The following PRKN variants were observed in gnomAD, a reference collection of about 807,000 sequenced individuals.
PRKN encodes parkin RBR E3 ubiquitin protein ligase.
In PRKN, 56 loss-of-function variants were observed where a neutral mutation model predicts 59.5. That is an observed-to-expected ratio of 0.94 (90% confidence interval 0.76 to 1.18). The LOEUF is 1.18. PRKN is among the 50% of genes most tolerant of loss of function. The probability of loss-of-function intolerance (pLI) is 0.00; values close to 1 mark genes in which losing one functional copy is unlikely to be tolerated. For synonymous variants in PRKN, 250 were observed against 222.1 expected (o/e 1.13, Z -1.12); for missense variants, 657 against 596.4 (o/e 1.10, Z -1.06).
intron 5 of PRKN, among the ~76,000 whole-genome samples, chr6:162,026,848 G>A (rs1420482619): frequency 6.6e-6 from 1 of 152,148 alleles, no homozygotes; most frequent in African/African-American, 2.4e-5. Context: ...CCAGAGTCAT[G>A]TTGCTTAATA....
At chr6:161,375,082 A>G (rs1160701583) in intron 10 of PRKN, among the ~76,000 whole-genome samples, 3 of 151,788 alleles carry the variant, frequency 2.0e-5, no homozygotes, top group African/African-American at 7.3e-5. Context: ...GAGTGAGCTC[A>G]GGGGACCCGC....
At chr6:161,782,981 T>C (rs1009205513) in intron 7 of PRKN, among the ~76,000 whole-genome samples, 8 of 152,302 alleles carry the variant, frequency 5.3e-5, no homozygotes, top group African/African-American at 1.4e-4. Flanking sequence ...CATTAACTTA[T>C]ATGAGTTTAT....
At chr6:162,134,060 C>G (rs1192915029) in intron 4 of PRKN, among the ~76,000 whole-genome samples, 4 of 152,014 alleles carry the variant, frequency 2.6e-5, no homozygotes, top group African/African-American at 9.7e-5. Context: ...AATGAATTAC[C>G]CAGTATACGT....
At chr6:161,602,374 G>A (rs1782139284) in intron 7 of PRKN, among the ~76,000 whole-genome samples, 1 of 152,136 alleles carries the variant, frequency 6.6e-6, no homozygotes, top group Admixed American at 6.6e-5. Context: ...AACAAAACTG[G>A]GTGCAAGTGA....
intron 7 of PRKN, chr6:161,783,634 T>C (rs1480783833): frequency 2.0e-6 from 1 of 498,842 alleles, no homozygotes; most frequent in East Asian, 5.7e-5. Context: ...CTTGAAAATG[T>C]GTGTTTAGAA....
Position 161,402,103 on chromosome 6 carries a change from T to C in PRKN, c.1084-15226A>G, listed in dbSNP as rs1423520315. 4.6e-5 allele frequency among the ~76,000 whole-genome samples: 7 copies of C among 152,070 alleles called. No homozygotes were observed. The highest frequency in any genetic ancestry group is 7.4e-5 in the Non-Finnish European group (5 of 68,024). On this transcript the variant is annotated intron_variant, in intron 9 of 11. Coordinates refer to ENST00000366898, the MANE Select transcript of PRKN (RefSeq NM_004562.3). This position sits in a 1 kb window ranked among gnomAD's most constrained non-coding sequence, Gnocchi z 4.5. ...AGAGAGCTGATTGTCATCACCGCCCTGACAGTCTCAGTGGCAGGCCAGGCT... is the reference window on the plus strand; with the variant it reads ...AGAGAGCTGATTGTCATCACCGCCCCGACAGTCTCAGTGGCAGGCCAGGCT...
intron 3 of PRKN, among the ~76,000 whole-genome samples, chr6:162,256,421 A>T (rs2128098135): frequency 6.6e-6 from 1 of 152,300 alleles, no homozygotes; most frequent in African/African-American, 2.4e-5. Context: ...AAAAGAGTGT[A>T]TTACAGACAG....
intron 9 of PRKN, among the ~76,000 whole-genome samples, chr6:161,508,136 C>G (rs563666711): frequency 1.3e-5 from 2 of 152,172 alleles, no homozygotes; most frequent in African/African-American, 2.4e-5. Context: ...CAATCACAGA[C>G]TACAAAAGAA....
chr6:162,313,966 A>T (rs1056214297), intron 2 of PRKN, among the ~76,000 whole-genome samples: 8 of 152,184 alleles, frequency 5.3e-5, no homozygotes, highest in African/African-American at 1.9e-4. Flanking sequence ...AACTTTTAAA[A>T]ATCATTTCAT....
At chr6:162,242,422 T>G (rs2128092139) in intron 3 of PRKN, among the ~76,000 whole-genome samples, 1 of 152,240 alleles carries the variant, frequency 6.6e-6, no homozygotes, top group South Asian at 2.1e-4. Context: ...CTCTTAGTAG[T>G]CAGAGCGACA....
chr6:162,097,478 A>G (rs533381698), intron 4 of PRKN, among the ~76,000 whole-genome samples: 20 of 152,168 alleles, frequency 1.3e-4, no homozygotes, highest in Non-Finnish European at 2.6e-4. Context: ...TGGAGACAGG[A>G]TTCAAATGTG....
At chr6:162,281,759 C>G (rs1780920642) in intron 2 of PRKN, among the ~76,000 whole-genome samples, 1 of 152,124 alleles carries the variant, frequency 6.6e-6, no homozygotes, top group South Asian at 2.1e-4. Context: ...AAGCATAATA[C>G]CCAAAATACT....
At chr6:162,310,545 T>A (rs1028504096) in intron 2 of PRKN, among the ~76,000 whole-genome samples, 2 of 151,918 alleles carry the variant, frequency 1.3e-5, no homozygotes, top group Non-Finnish European at 2.9e-5. Context: ...CCTCCAGAAG[T>A]CTAAAGGAAG....
chr6:161,511,101 G>A (rs1583171373), intron 9 of PRKN, among the ~76,000 whole-genome samples: 1 of 152,078 alleles, frequency 6.6e-6, no homozygotes, highest in Non-Finnish European at 1.5e-5. Flanking sequence ...AATTTGATAA[G>A]ACATTTCTAA....
intron 4 of PRKN, among the ~76,000 whole-genome samples, chr6:162,106,397 T>G (rs1780194897): frequency 1.0e-5 from 1 of 95,592 alleles, no homozygotes; most frequent in South Asian, 3.7e-4. Context: ...GAGAGTGAAT[T>G]CCTTTTTTTT....
chr6:162,065,975 G>A (rs1427528361), intron 4 of PRKN, among the ~76,000 whole-genome samples: 1 of 152,128 alleles, frequency 6.6e-6, no homozygotes, highest in Non-Finnish European at 1.5e-5. Flanking sequence ...TATCATTGAT[G>A]GACATTTGGG....
chr6:161,740,762 C>T (rs1343266980), intron 7 of PRKN, among the ~76,000 whole-genome samples: 1 of 152,208 alleles, frequency 6.6e-6, no homozygotes, highest in Non-Finnish European at 1.5e-5. Context: ...AGACCTTTGA[C>T]TTGTTGGTCA....
intron 6 of PRKN, among the ~76,000 whole-genome samples, chr6:161,968,526 G>A (rs911621351): frequency 2.6e-5 from 4 of 152,064 alleles, no homozygotes; most frequent in African/African-American, 9.7e-5. Context: ...GTCAGTTGGA[G>A]GCTTACAATT....
In PRKN at chr6:161,563,925, T is replaced by C. The variant is rs1053618288; in HGVS notation, c.933+5430A>G. ...ATTTAAAATCAGAGGAATTTTAGTA[T>C]AGCACAATATTTGCAACTTACTTGG... On this transcript the variant is annotated intron_variant, in intron 8 of 11. Coordinates refer to ENST00000366898, the MANE Select transcript of PRKN (RefSeq NM_004562.3). Among the ~76,000 whole-genome samples the C allele has an allele frequency of 2.6e-5, 4 of 152,326 alleles. No individual in the cohort carries two copies. In the East Asian group the frequency reaches 7.7e-4, roughly 29 times the overall value.
Sources: allele counts gnomAD v4.1 joint callset (sites outside exome capture counted in the v4.1 genomes callset), GRCh38; gene constraint gnomAD v4.1.1; non-coding constraint Gnocchi (gnomAD v3.1); transcripts MANE v1.5; gene names NCBI Gene and HGNC (gene_info 2026-07-23, HGNC 2026-07-21).